EBF1: variants seen among roughly 807,000 people sequenced by gnomAD.
The protein encoded by EBF1 is transcription factor COE1.
EBF1 carries 10 observed loss-of-function variants against 68.4 expected under a neutral mutation model. That is an observed-to-expected ratio of 0.15 (90% CI 0.09 to 0.25). EBF1 has a LOEUF of 0.25. Ranked by LOEUF, EBF1 falls within the 10% of genes least tolerant of loss-of-function variation. The pLI is 1.00. For synonymous variants in EBF1, 298 were observed against 299.8 expected (o/e 0.99, Z 0.06); for missense variants, 509 against 794.4 (o/e 0.64, Z 4.32).
chr5:158,892,263 C>T (rs921348445), intron 6 of EBF1, among the ~76,000 whole-genome samples: 6 of 152,022 alleles, frequency 3.9e-5, no homozygotes, highest in Admixed American at 6.6e-5. Context: ...CTGAGGCAGG[C>T]GGATCACTTG....
intron 6 of EBF1, among the ~76,000 whole-genome samples, chr5:159,004,508 T>C (rs1030146483): frequency 6.7e-6 from 1 of 150,190 alleles, no homozygotes; most frequent in East Asian, 1.9e-4. Flanking sequence ...TGCTATAAAG[T>C]AGCAAACCAA....
chr5:158,696,983 A>C lies in EBF1; in HGVS notation c.*2128T>G, dbSNP rs1032402817. On this transcript the variant is annotated 3_prime_UTR_variant, in exon 16 of 16. Coordinates refer to ENST00000313708, the MANE Select transcript of EBF1 (RefSeq NM_024007.5). ...TTCTGGTGCACAGTTACAATGTACA[A>C]GTGAAATGAATATGATTTGCATTGT... 2 of 192,984 alleles carry C rather than the reference A, an allele frequency of 1.0e-5. No homozygotes were observed. Among genetic ancestry groups the C allele is most frequent in the African/African-American group, 4.7e-5 (2 of 42,932 alleles). 12.0% of individuals were successfully genotyped at this position (192,984 alleles called of 1,614,324 possible). A position where few individuals can be genotyped will look rare whatever the true frequency, so the allele number is the denominator to read the frequency against.
chr5:158,740,642 G>A lies in EBF1; in HGVS notation c.1037-9485C>T, dbSNP rs1448371980. Among the ~76,000 whole-genome samples, 17 of 152,288 alleles carry A rather than the reference G, an allele frequency of 1.1e-4. No individual in the cohort carries two copies. The East Asian group carries it at 3.1e-3, about 28-fold the overall frequency. On this transcript the variant is annotated intron_variant, in intron 10 of 15. Coordinates refer to ENST00000313708, the MANE Select transcript of EBF1 (RefSeq NM_024007.5). ...ACTTACAACAAGTATGCCATGCAGC[G>A]AGCTACAATGGCCTTGCAGATAAGC...
chr5:159,010,433 T>G (rs1370182914), intron 6 of EBF1, among the ~76,000 whole-genome samples: 1 of 152,196 alleles, frequency 6.6e-6, no homozygotes, highest in Non-Finnish European at 1.5e-5. Flanking sequence ...ATTTATCTTT[T>G]TGCAAACAAA....
intron 6 of EBF1, among the ~76,000 whole-genome samples, chr5:158,953,891 A>G (rs1816530838): frequency 6.6e-6 from 1 of 152,228 alleles, no homozygotes. Flanking sequence ...TTCAGAAGAA[A>G]TAAAAGGCTA....
At position 158,878,985 on chromosome 5, in the gene EBF1, A is replaced by G. The variant is rs1798320827; in HGVS notation, c.555-38875T>C. On this transcript the variant is annotated intron_variant, in intron 6 of 15. Coordinates refer to ENST00000313708, the MANE Select transcript of EBF1 (RefSeq NM_024007.5). ...ATTTGTTTACACAGTCCTAAAGCCC[A>G]ATAAACAGAAAAAAAGAATAGATTC... Among the ~76,000 whole-genome samples, 3 of 152,156 alleles carry G rather than the reference A, an allele frequency of 2.0e-5. No homozygotes were observed. In the South Asian group the frequency reaches 6.2e-4, roughly 32 times the overall value.
At chr5:158,856,685 C>T (rs567143155) in intron 6 of EBF1, among the ~76,000 whole-genome samples, 10 of 152,336 alleles carry the variant, frequency 6.6e-5, no homozygotes, top group Admixed American at 5.9e-4. Context: ...CATCCACTCA[C>T]CCTGCCTCCA....
chr5:159,054,968 TAAC>T (rs1774478245), intron 6 of EBF1, among the ~76,000 whole-genome samples: 2 of 152,230 alleles, frequency 1.3e-5, no homozygotes, highest in African/African-American at 4.8e-5. Context: ...AATTTAAATA[TAAC>T]AACTCAATTA....
intron 6 of EBF1, among the ~76,000 whole-genome samples, chr5:158,883,776 C>T (rs1466970845): frequency 6.6e-6 from 1 of 152,126 alleles, no homozygotes; most frequent in Non-Finnish European, 1.5e-5. Flanking sequence ...TGTCTCCTTC[C>T]CTACTGTTCA....
chr5:158,891,093 T>G (rs982655856), intron 6 of EBF1, among the ~76,000 whole-genome samples: 2 of 152,228 alleles, frequency 1.3e-5, no homozygotes, highest in Admixed American at 1.3e-4. Flanking sequence ...GAGGAGGTAT[T>G]GAAGTTCACG....
chr5:158,950,013 A>G (rs1239467815), intron 6 of EBF1, among the ~76,000 whole-genome samples: 2 of 152,224 alleles, frequency 1.3e-5, no homozygotes, highest in Non-Finnish European at 2.9e-5. Flanking sequence ...AGCAATTCCC[A>G]GTGGTGTACA....
At chr5:158,774,343 T>C (rs753606790) in intron 10 of EBF1, among the ~76,000 whole-genome samples, 1 of 152,112 alleles carries the variant, frequency 6.6e-6, no homozygotes, top group Non-Finnish European at 1.5e-5. Flanking sequence ...ATGCTGTTCC[T>C]GCCTTTTTTC....
At chr5:158,820,867 G>A (rs1784678667) in intron 8 of EBF1, among the ~76,000 whole-genome samples, 1 of 152,206 alleles carries the variant, frequency 6.6e-6, no homozygotes, top group Middle Eastern at 3.2e-3. Context: ...GAGCTGTGTT[G>A]ATCCAGAGGT....
intron 6 of EBF1, chr5:158,986,795 T>G (rs1759182093): frequency 6.6e-6 from 1 of 152,224 alleles, no homozygotes; most frequent in South Asian, 2.1e-4. Context: ...GACCCCAGTT[T>G]AGAAATTTAA....
intron 6 of EBF1, among the ~76,000 whole-genome samples, chr5:158,844,102 C>A (rs554535711): frequency 6.6e-6 from 1 of 151,972 alleles, no homozygotes; most frequent in Non-Finnish European, 1.5e-5. Flanking sequence ...CAGGACAAAG[C>A]CCCTATTGAC....
At chr5:159,000,021 C>G (rs1762219768) in intron 6 of EBF1, among the ~76,000 whole-genome samples, 1 of 152,174 alleles carries the variant, frequency 6.6e-6, no homozygotes. Flanking sequence ...GGGGTGAAAA[C>G]TATTTTCCTT....
chr5:158,893,771 CTT>C (rs895503905), intron 6 of EBF1, among the ~76,000 whole-genome samples: 1 of 152,172 alleles, frequency 6.6e-6, no homozygotes, highest in Non-Finnish European at 1.5e-5. Flanking sequence ...AGGCAGGAGA[CTT>C]TAAGTTACTC....
At chr5:158,775,596 T>G (rs1233481755) in intron 10 of EBF1, among the ~76,000 whole-genome samples, 1 of 152,106 alleles carries the variant, frequency 6.6e-6, no homozygotes, top group Admixed American at 6.6e-5. Flanking sequence ...ACATTTGGCC[T>G]CTGTGGTTTT....
rs1189143836 is a variant in EBF1 at position 158,996,009 on chromosome 5, GT to G, written c.554+77386del. On this transcript the variant is annotated intron_variant, in intron 6 of 15. Coordinates refer to ENST00000313708, the MANE Select transcript of EBF1 (RefSeq NM_024007.5). ...TAGACTCCCTGAGGATCTCGGCCCT[GT>G]TTCTAGCTGTCTGGCCTCCAGCCTA... Among the ~76,000 whole-genome samples the G allele has an allele frequency of 2.0e-5, 3 of 152,092 alleles. No homozygotes were observed. The East Asian group carries it at 5.8e-4, about 29-fold the overall frequency.
Sources: allele counts gnomAD v4.1 joint callset (sites outside exome capture counted in the v4.1 genomes callset), GRCh38; gene constraint gnomAD v4.1.1; transcripts MANE v1.5; gene names NCBI Gene and HGNC (gene_info 2026-07-23, HGNC 2026-07-21).